FGD4: variants seen among roughly 807,000 people sequenced by gnomAD.
FGD4 encodes FYVE, RhoGEF and PH domain-containing protein 4.
In FGD4, 42 loss-of-function variants were observed where a neutral mutation model predicts 102.0. The ratio of observed to expected loss-of-function variants is 0.41; its 90% CI spans 0.32 to 0.53. FGD4 has a LOEUF of 0.53. FGD4 is among the 20% of genes least tolerant of loss of function. The probability of loss-of-function intolerance (pLI) is 0.21; values close to 1 mark genes in which losing one functional copy is unlikely to be tolerated. For synonymous variants in FGD4, 380 were observed against 375.7 expected (o/e 1.01, Z -0.13); for missense variants, 902 against 1,078.2 (o/e 0.84, Z 2.29).
chr12:32,603,286 G>T (rs1318083390), intron 7 of FGD4, among the ~76,000 whole-genome samples: 1 of 152,174 alleles, frequency 6.6e-6, no homozygotes, highest in South Asian at 2.1e-4. Flanking sequence ...CTTTGTCTGG[G>T]ACTACACTTA....
chr12:32,517,879 C>G (rs1940057640), intron 1 of FGD4, among the ~76,000 whole-genome samples: 1 of 151,874 alleles, frequency 6.6e-6, no homozygotes, highest in African/African-American at 2.4e-5. Flanking sequence ...GAGTGAGACC[C>G]TGTCTCAAAA....
At chr12:32,416,528 TG>T (rs1233058464) in intron 1 of FGD4, among the ~76,000 whole-genome samples, 7 of 152,176 alleles carry the variant, frequency 4.6e-5, no homozygotes, top group African/African-American at 1.4e-4. Context: ...ATGCACACAA[TG>T]GACACACATA....
At chr12:32,604,892 A>T (rs1811327448) in intron 7 of FGD4, among the ~76,000 whole-genome samples, 1 of 150,794 alleles carries the variant, frequency 6.6e-6, no homozygotes, top group Non-Finnish European at 1.5e-5. Flanking sequence ...TCAATTTCTA[A>T]AATGCAAATA....
At chr12:32,637,616 A>G (rs1056394963) in intron 15 of FGD4, 1 of 152,232 alleles carries the variant, frequency 6.6e-6, no homozygotes, top group Non-Finnish European at 1.5e-5. Flanking sequence ...TAAATAAATA[A>G]ATAAATAATA....
At chr12:32,436,346 A>C (rs138641992) in intron 1 of FGD4, among the ~76,000 whole-genome samples, 1 of 152,208 alleles carries the variant, frequency 6.6e-6, no homozygotes, top group African/African-American at 2.4e-5. Context: ...ATCTTTTCCT[A>C]AGGATAAAAA....
At chr12:32,459,270 T>C (rs894532002) in intron 1 of FGD4, among the ~76,000 whole-genome samples, 1 of 147,468 alleles carries the variant, frequency 6.8e-6, no homozygotes, top group East Asian at 2.1e-4. Flanking sequence ...CTCTGCTCAC[T>C]GCAACCTCCA....
intron 1 of FGD4, among the ~76,000 whole-genome samples, chr12:32,520,453 A>T (rs111380631): frequency 7.1e-4 from 90 of 127,422 alleles, no homozygotes; most frequent in African/African-American, 8.3e-4. Context: ...TTTTTTTTTT[A>T]GAGATGGAGT....
intron 1 of FGD4, among the ~76,000 whole-genome samples, chr12:32,446,019 TA>T (rs1044104491): frequency 1.2e-4 from 18 of 152,140 alleles, no homozygotes; most frequent in African/African-American, 4.1e-4. Flanking sequence ...TACAAAAAGT[TA>T]GCCCGGTGTG....
At chr12:32,523,043 T>C (rs1940717360) in intron 1 of FGD4, among the ~76,000 whole-genome samples, 1 of 152,172 alleles carries the variant, frequency 6.6e-6, no homozygotes, top group African/African-American at 2.4e-5. Flanking sequence ...AAGGAGAGCA[T>C]GAACTGAAAA....
chr12:32,638,282 G>A (rs1644156075), intron 15 of FGD4, among the ~76,000 whole-genome samples: 1 of 152,184 alleles, frequency 6.6e-6, no homozygotes, highest in African/African-American at 2.4e-5. Flanking sequence ...GACTCTCTGG[G>A]TTCAAATCCC....
At chr12:32,453,855 T>C (rs531331080) in intron 1 of FGD4, among the ~76,000 whole-genome samples, 1 of 152,302 alleles carries the variant, frequency 6.6e-6, no homozygotes, top group Admixed American at 6.5e-5. Context: ...TAAATATTTG[T>C]TGAATGAATG....
intron 1 of FGD4, among the ~76,000 whole-genome samples, chr12:32,407,455 A>G (rs1940993533): frequency 6.6e-6 from 1 of 152,170 alleles, no homozygotes; most frequent in Non-Finnish European, 1.5e-5. Context: ...AAGTGCCCAG[A>G]CGATCCTGAT....
intron 1 of FGD4, among the ~76,000 whole-genome samples, chr12:32,405,261 GTTTTTT>G (rs11396808): frequency 9.2e-6 from 1 of 108,742 alleles, no homozygotes; most frequent in Non-Finnish European, 1.8e-5. Context: ...GCAGTCAGTG[GTTTTTT>G]TTTTTTTTTT....
intron 1 of FGD4, among the ~76,000 whole-genome samples, chr12:32,481,667 G>A (rs1943769869): frequency 1.3e-5 from 2 of 151,974 alleles, no homozygotes; most frequent in Non-Finnish European, 2.9e-5. Flanking sequence ...CTAAAAATAT[G>A]TAAGTTAGCT....
rs372655892 is a variant in FGD4 at position 32,485,436 on chromosome 12, A to ATTTTT, written c.167-78683_167-78679dup. 2.7e-3 allele frequency among the ~76,000 whole-genome samples: 312 copies of ATTTTT among 114,184 alleles called. 4 individuals are homozygous for ATTTTT. The highest frequency in any genetic ancestry group is 9.0e-3 in the African/African-American group (278 of 30,838). 74.9% of individuals were successfully genotyped at this position (114,184 alleles called of 152,430 possible). Reference sequence around the variant, plus strand: ...AGAATCCTCAGATCTTTTAAGACCAATTTTTTTTTTTTTTTTTTTTTTGAG... The same window carrying ATTTTT: ...AGAATCCTCAGATCTTTTAAGACCAATTTTTTTTTTTTTTTTTTTTTTTTTTTGAG... On this transcript the variant is annotated intron_variant, in intron 1 of 16. Coordinates refer to ENST00000534526, the MANE Select transcript of FGD4 (RefSeq NM_001370298.3).
At chr12:32,585,798 C>G (rs1351765920) in intron 4 of FGD4, among the ~76,000 whole-genome samples, 2 of 136,466 alleles carry the variant, frequency 1.5e-5, no homozygotes, top group African/African-American at 5.5e-5. Context: ...CCTGCTACTT[C>G]ACTCTCACCT....
intron 15 of FGD4, 92 bp from the exon 16 acceptor site, chr12:32,638,563 G>C: frequency 6.6e-7 from 1 of 1,521,216 alleles, no homozygotes; most frequent in East Asian, 2.3e-5. Flanking sequence ...ATAGTCCAGG[G>C]AAACATTTTG....
chr12:32,416,293 C>T (rs1941410007), intron 1 of FGD4, among the ~76,000 whole-genome samples: 1 of 152,170 alleles, frequency 6.6e-6, no homozygotes, highest in Admixed American at 6.6e-5. Flanking sequence ...AGCGACTGTA[C>T]CTGGCCAACT....
intron 1 of FGD4, among the ~76,000 whole-genome samples, chr12:32,501,463 A>G (rs1938211016): frequency 6.6e-6 from 1 of 152,180 alleles, no homozygotes; most frequent in Non-Finnish European, 1.5e-5. Flanking sequence ...TAACCTTCAC[A>G]TGGTGAAACA....
Sources: gnomAD v4.1 joint callset for allele counts (sites outside exome capture counted in the v4.1 genomes callset) on GRCh38, gnomAD v4.1.1 for gene constraint, MANE v1.5 for transcripts, NCBI Gene and HGNC (gene_info 2026-07-23, HGNC 2026-07-21) for gene names.